Variants in HS2ST1 observed in about 807,000 individuals in gnomAD.
HS2ST1 encodes 2-O-sulfotransferase.
In HS2ST1, 18 loss-of-function variants were observed where a neutral mutation model predicts 42.9. The ratio of observed to expected loss-of-function variants is 0.42; its 90% CI spans 0.29 to 0.62. The LOEUF is 0.62. Ranked by LOEUF, HS2ST1 falls within the 20% of genes least tolerant of loss-of-function variation. The probability of loss-of-function intolerance (pLI) is 0.21; values close to 1 mark genes in which losing one functional copy is unlikely to be tolerated. For synonymous variants in HS2ST1, 146 were observed against 152.9 expected, an observed-to-expected ratio of 0.95 and a Z score of 0.33; for missense variants, 334 against 433.8, an observed-to-expected ratio of 0.77 and a Z score of 2.04.
intron 1 of HS2ST1, among the ~76,000 whole-genome samples, chr1:87,036,022 T>A (rs1650365990): frequency 7.3e-6 from 1 of 136,946 alleles, no homozygotes; most frequent in Non-Finnish European, 1.7e-5. Flanking sequence ...CCTCCCTGTG[T>A]CCATGTGTTC....
At chr1:87,048,535 G>A (rs1374631835) in intron 1 of HS2ST1, among the ~76,000 whole-genome samples, 1 of 151,760 alleles carries the variant, frequency 6.6e-6, no homozygotes, top group Non-Finnish European at 1.5e-5. Flanking sequence ...CATTTTTACA[G>A]ATATCCTTTT....
At chr1:86,987,107 T>C (rs1648810289) in intron 1 of HS2ST1, among the ~76,000 whole-genome samples, 1 of 145,630 alleles carries the variant, frequency 6.9e-6, no homozygotes, top group Non-Finnish European at 1.5e-5. Context: ...TCTCACTCTA[T>C]TGCCCAGGCT....
chr1:86,999,914 C>G (rs1057114924), intron 1 of HS2ST1, among the ~76,000 whole-genome samples: 1 of 152,084 alleles, frequency 6.6e-6, no homozygotes, highest in Non-Finnish European at 1.5e-5. Flanking sequence ...AAAATATGTT[C>G]TTGGAATGCC....
At chr1:87,059,180 CG>C (rs1276549684) in intron 1 of HS2ST1, among the ~76,000 whole-genome samples, 9 of 152,054 alleles carry the variant, frequency 5.9e-5, no homozygotes, top group African/African-American at 1.5e-4. Flanking sequence ...AATTGCCATA[CG>C]TTTTTTTGCA....
intron 1 of HS2ST1, among the ~76,000 whole-genome samples, chr1:86,964,630 AAG>A (rs1286126412): frequency 2.6e-5 from 4 of 152,194 alleles, no homozygotes; most frequent in African/African-American, 7.2e-5. Context: ...AGACCTTGGA[AAG>A]AGAGGGAGAC....
chr1:86,930,043 G>A (rs1369382348), intron 1 of HS2ST1, among the ~76,000 whole-genome samples: 2 of 151,660 alleles, frequency 1.3e-5, no homozygotes, highest in African/African-American at 4.8e-5. Context: ...CAGAAATTTT[G>A]GTAGACTGAA....
intron 1 of HS2ST1, among the ~76,000 whole-genome samples, chr1:86,972,470 G>A (rs1648260911): frequency 6.6e-6 from 1 of 152,130 alleles, no homozygotes; most frequent in South Asian, 2.1e-4. Flanking sequence ...TCCTGGCTCA[G>A]CCCCAAGTAG....
intron 1 of HS2ST1, among the ~76,000 whole-genome samples, chr1:87,007,875 T>C (rs992193745): frequency 6.6e-6 from 1 of 152,166 alleles, no homozygotes; most frequent in African/African-American, 2.4e-5. Context: ...TTTAAATCTG[T>C]CAACAGTCTC....
intron 1 of HS2ST1, among the ~76,000 whole-genome samples, chr1:86,921,969 A>G (rs1660309251): frequency 6.6e-6 from 1 of 152,208 alleles, no homozygotes. Context: ...TAATTTCACA[A>G]TCTCTTTTGT....
In HS2ST1 at chr1:87,109,258, C is replaced by T. The variant is rs1417271882; in HGVS notation, c.*4562C>T. 6.6e-6 allele frequency: 1 copy of T among 152,366 alleles called. No homozygotes were observed. Among genetic ancestry groups the T allele is most frequent in the Non-Finnish European group, 1.5e-5 (1 of 67,982 alleles). 9.4% of individuals were successfully genotyped at this position (152,366 alleles called of 1,614,324 possible). A position where few individuals can be genotyped will look rare whatever the true frequency, so the allele number is the denominator to read the frequency against. On this transcript the variant is annotated 3_prime_UTR_variant, in exon 7 of 7. Coordinates refer to ENST00000370550, the MANE Select transcript of HS2ST1 (RefSeq NM_012262.4). Reference sequence around the variant, plus strand: ...ACATTTTCCAAGCTGACTCAGTGTTCAGTGTCAACTTAACTCTCAGATAGT... The same window carrying T: ...ACATTTTCCAAGCTGACTCAGTGTTTAGTGTCAACTTAACTCTCAGATAGT...
At position 87,107,334 on chromosome 1, in the gene HS2ST1, A is replaced by T. The variant is rs1652349107; in HGVS notation, c.*2638A>T. 6.6e-6 allele frequency: 1 copy of T among 152,028 alleles called. No individual in the cohort carries two copies. The highest frequency in any genetic ancestry group is 2.1e-4 in the South Asian group (1 of 4,826). The allele number at this position is 152,028 out of a possible 1,614,324, so 9.4% of individuals were successfully genotyped here. A position where few individuals can be genotyped will look rare whatever the true frequency, so the allele number is the denominator to read the frequency against. On this transcript the variant is annotated 3_prime_UTR_variant, in exon 7 of 7. Coordinates refer to ENST00000370550, the MANE Select transcript of HS2ST1 (RefSeq NM_012262.4). ...TTATTTCCCAGTTTAACAGTTCAGA[A>T]TAGGGGCATTTATTTTATCATATTT...
intron 1 of HS2ST1, among the ~76,000 whole-genome samples, chr1:86,936,965 C>T (rs533306326): frequency 1.3e-5 from 2 of 149,518 alleles, no homozygotes; most frequent in South Asian, 4.2e-4. Context: ...ATTAGCCGGG[C>T]ATGGTGTTGC....
intron 1 of HS2ST1, among the ~76,000 whole-genome samples, chr1:86,984,184 CAGTT>C (rs1380345777): frequency 1.3e-5 from 2 of 152,158 alleles, no homozygotes; most frequent in Non-Finnish European, 2.9e-5. Flanking sequence ...CCAGGAGAGT[CAGTT>C]AATTTTTCCA....
chr1:87,070,017 GA>G (rs1229388740), intron 1 of HS2ST1, among the ~76,000 whole-genome samples: 1 of 152,084 alleles, frequency 6.6e-6, no homozygotes, highest in African/African-American at 2.4e-5. Flanking sequence ...TTGATTTGAA[GA>G]AAAAACTAGT....
chr1:86,960,191 T>C (rs1324708784), intron 1 of HS2ST1, among the ~76,000 whole-genome samples: 1 of 139,392 alleles, frequency 7.2e-6, no homozygotes, highest in African/African-American at 2.7e-5. Flanking sequence ...CAAGTGGCAC[T>C]GGAATAACAG....
Position 87,000,096 on chromosome 1 carries a change from C to G in HS2ST1, c.125-72838C>G, listed in dbSNP as rs534457152. On this transcript the variant is annotated intron_variant, in intron 1 of 6. Coordinates refer to ENST00000370550, the MANE Select transcript of HS2ST1 (RefSeq NM_012262.4). Reference sequence around the variant, plus strand: ...ATGTAGTAACCAACTCCTAGCAAATCTTGACTCATTAAAAAAAAAAAAACT... The same window carrying G: ...ATGTAGTAACCAACTCCTAGCAAATGTTGACTCATTAAAAAAAAAAAAACT... Among the ~76,000 whole-genome samples, 3 of 92,834 alleles carry G rather than the reference C, an allele frequency of 3.2e-5. No individual in the cohort carries two copies. The East Asian group carries it at 1.2e-3, about 37-fold the overall frequency. The allele number at this position is 92,834 out of a possible 152,430, so 60.9% of individuals were successfully genotyped here.
chr1:86,986,485 A>G (rs1648790013), intron 1 of HS2ST1, among the ~76,000 whole-genome samples: 1 of 152,208 alleles, frequency 6.6e-6, no homozygotes, highest in African/African-American at 2.4e-5. Flanking sequence ...ATTTGTGGAT[A>G]TATTAATTTA....
At chr1:86,951,335 CA>C (rs1557491036) in intron 1 of HS2ST1, among the ~76,000 whole-genome samples, 1 of 152,152 alleles carries the variant, frequency 6.6e-6, no homozygotes, top group Non-Finnish European at 1.5e-5. Context: ...GTTATAAAAA[CA>C]GGCGTATCTC....
rs371896238 is a variant in HS2ST1 at position 87,103,566 on chromosome 1, G to A, written c.821G>A (p.Gly274Asp). ...LEAALPRFFRGATELYRTGKK... is the reference protein window; with the variant it reads ...LEAALPRFFRDATELYRTGKK... ...GCAGCATTGCCCCGGTTTTTCAGGG[G>A]TGCTACTGAACTCTATCGCACAGGT... The change falls in exon 6 of 7, where the codon GGT (glycine) becomes GAT (aspartate). Residue 274 changes from glycine (G) to aspartate (D), a missense_variant. By Grantham distance (94) the Gly-to-Asp change is moderately conservative. Transcript: ENST00000370550. 63 of 1,610,760 alleles carry A rather than the reference G, an allele frequency of 3.9e-5. No homozygotes were observed. The highest frequency in any genetic ancestry group is 2.0e-4 in the Admixed American group (12 of 59,434).
Sources: gnomAD v4.1 joint callset for allele counts (sites outside exome capture counted in the v4.1 genomes callset) on GRCh38, gnomAD v4.1.1 for gene constraint, MANE v1.5 for transcripts, NCBI Gene and HGNC (gene_info 2026-07-23, HGNC 2026-07-21) for gene names.